The following SPIDR variants were observed in gnomAD, a reference collection of about 807,000 sequenced individuals.
The protein encoded by SPIDR is scaffold protein involved in DNA repair.
Under a neutral mutation model 104.6 loss-of-function variants are expected in SPIDR, and 93 were observed. The observed-to-expected ratio is 0.89, with a 90% confidence interval of 0.75 to 1.06. The LOEUF (loss-of-function observed/expected upper bound fraction) is 1.06, where lower values mean the gene tolerates loss of function less well. SPIDR is among the 50% of genes least tolerant of loss of function. SPIDR has a pLI of 0.00. For synonymous variants in SPIDR, 431 were observed against 416.9 expected (o/e 1.03, Z -0.41); for missense variants, 1,154 against 1,111.2 (o/e 1.04, Z -0.55).
intron 5 of SPIDR, among the ~76,000 whole-genome samples, chr8:47,316,535 A>G (rs1554589701): frequency 6.6e-6 from 1 of 152,222 alleles, no homozygotes; most frequent in Non-Finnish European, 1.5e-5. Flanking sequence ...GATAAGGAAC[A>G]CTGTCTTGGT....
intron 3 of SPIDR, among the ~76,000 whole-genome samples, chr8:47,285,953 A>G (rs2038761506): frequency 6.6e-6 from 1 of 152,166 alleles, no homozygotes; most frequent in East Asian, 1.9e-4. Context: ...GAGCCTTGAT[A>G]TCAAGGACAC....
chr8:47,660,487 G>A (rs1159460781), intron 10 of SPIDR: 3 of 985,314 alleles, frequency 3.0e-6, no homozygotes, highest in Non-Finnish European at 3.6e-6. Flanking sequence ...TCAAAGTCCT[G>A]CGGAATGGCA....
At chr8:47,299,769 G>A (rs1290462425) in intron 5 of SPIDR, among the ~76,000 whole-genome samples, 18 of 152,190 alleles carry the variant, frequency 1.2e-4, no homozygotes, top group African/African-American at 4.1e-4. Context: ...ATTTCTGTAT[G>A]TTGAACCAGC....
intron 7 of SPIDR, among the ~76,000 whole-genome samples, chr8:47,422,567 G>A (rs1307670207): frequency 1.3e-5 from 2 of 152,216 alleles, no homozygotes; most frequent in Non-Finnish European, 2.9e-5. Flanking sequence ...CGGGTGAGGC[G>A]ATGTCTCGCC....
At chr8:47,393,877 G>T (rs1468105500) in intron 5 of SPIDR, among the ~76,000 whole-genome samples, 4 of 138,750 alleles carry the variant, frequency 2.9e-5, no homozygotes, top group African/African-American at 1.1e-4. Context: ...TCCGTCCTTT[G>T]TCCTTTGTCC....
chr8:47,677,038 A>G (rs749125379), intron 11 of SPIDR, among the ~76,000 whole-genome samples: 8 of 152,242 alleles, frequency 5.3e-5, no homozygotes, highest in Non-Finnish European at 1.2e-4. Flanking sequence ...TAAAAACTGT[A>G]CAGTTTTCAC....
At chr8:47,442,066 T>A (rs2069553436) in intron 8 of SPIDR, among the ~76,000 whole-genome samples, 1 of 152,230 alleles carries the variant, frequency 6.6e-6, no homozygotes, top group Non-Finnish European at 1.5e-5. Context: ...CTGCTAGGAC[T>A]ACTCACATCT....
chr8:47,292,272 C>T (rs1156557439), intron 4 of SPIDR, among the ~76,000 whole-genome samples: 3 of 152,002 alleles, frequency 2.0e-5, no homozygotes, highest in African/African-American at 4.8e-5. Flanking sequence ...GACAGCTTCT[C>T]GGGAGGGTAG....
At chr8:47,611,930 T>C (rs1458637064) in intron 10 of SPIDR, among the ~76,000 whole-genome samples, 1 of 152,132 alleles carries the variant, frequency 6.6e-6, no homozygotes, top group African/African-American at 2.4e-5. Context: ...AGGTAGCTTG[T>C]GGGGAGAGAC....
chr8:47,560,577 T>C (rs879771028), intron 8 of SPIDR, among the ~76,000 whole-genome samples: 4 of 152,222 alleles, frequency 2.6e-5, no homozygotes, highest in South Asian at 2.1e-4. Context: ...AGAAACCCAG[T>C]GTGACTGCTT....
chr8:47,559,398 A>G (rs1296191400), intron 8 of SPIDR, among the ~76,000 whole-genome samples: 1 of 152,184 alleles, frequency 6.6e-6, no homozygotes, highest in African/African-American at 2.4e-5. Context: ...TCCATTGGAA[A>G]CAGAAGGTTT....
intron 1 of SPIDR, chr8:47,276,745 G>A (rs2036510223): frequency 6.6e-6 from 1 of 152,262 alleles, no homozygotes; most frequent in African/African-American, 2.4e-5. Flanking sequence ...TTTATGGTGT[G>A]TAGTGTTAGA....
chr8:47,689,948 C>T (rs1405243441), intron 11 of SPIDR, among the ~76,000 whole-genome samples: 2 of 151,970 alleles, frequency 1.3e-5, no homozygotes, highest in Non-Finnish European at 2.9e-5. Context: ...GTCTTTGAAA[C>T]ATTATATGAG....
At chr8:47,545,603 T>C (rs2089216292) in intron 8 of SPIDR, among the ~76,000 whole-genome samples, 1 of 152,190 alleles carries the variant, frequency 6.6e-6, no homozygotes, top group Non-Finnish European at 1.5e-5. Flanking sequence ...ATTCTTGTTC[T>C]CTGATCTGTA....
At chr8:47,586,432 T>C (rs1055824888) in intron 8 of SPIDR, among the ~76,000 whole-genome samples, 1 of 152,236 alleles carries the variant, frequency 6.6e-6, no homozygotes, top group Non-Finnish European at 1.5e-5. Flanking sequence ...TTATGTTTTG[T>C]TTTAGCCATT....
chr8:47,264,168 A>C lies in SPIDR; in HGVS notation c.33+3177A>C, dbSNP rs140072677. 4.5e-4 allele frequency among the ~76,000 whole-genome samples: 68 copies of C among 152,272 alleles called. No homozygotes were observed. The East Asian group carries it at 0.011, about 25-fold the overall frequency. ...CAGATATATCACGACTCTTAAGATG[A>C]AAGGTGGTGTGGTTATGGACTAAGG... On this transcript the variant is annotated intron_variant, in intron 1 of 19. Coordinates refer to ENST00000297423, the MANE Select transcript of SPIDR (RefSeq NM_001080394.4).
chr8:47,676,590 C>T (rs1563511645), intron 11 of SPIDR, among the ~76,000 whole-genome samples: 1 of 151,858 alleles, frequency 6.6e-6, no homozygotes, highest in Non-Finnish European at 1.5e-5. Context: ...TTCTCATAAA[C>T]CTTAACAAAA....
At chr8:47,449,727 T>C (rs1233195589) in intron 8 of SPIDR, among the ~76,000 whole-genome samples, 1 of 152,154 alleles carries the variant, frequency 6.6e-6, no homozygotes. Flanking sequence ...ATCTGGATAA[T>C]CTGAAAAACT....
intron 5 of SPIDR, among the ~76,000 whole-genome samples, chr8:47,391,623 A>G (rs544053050): frequency 4.3e-4 from 65 of 152,232 alleles, no homozygotes; most frequent in South Asian, 2.1e-3. Context: ...GTGGGTTAAG[A>G]CAGTATTTGT....
Sources: allele counts gnomAD v4.1 joint callset (sites outside exome capture counted in the v4.1 genomes callset), GRCh38; gene constraint gnomAD v4.1.1; transcripts MANE v1.5; gene names NCBI Gene and HGNC (gene_info 2026-07-23, HGNC 2026-07-21).